The following MYO15A variants were observed in gnomAD, a reference collection of about 807,000 sequenced individuals.
MYO15A encodes the protein myosin XVA, also known as unconventional myosin-XV.
A neutral mutation model predicts 394.6 loss-of-function variants in MYO15A; 308 were observed. The ratio of observed to expected loss-of-function variants is 0.78; its 90% CI spans 0.71 to 0.86. The LOEUF (loss-of-function observed/expected upper bound fraction) is 0.86. Ranked by LOEUF, MYO15A falls within the 40% of genes least tolerant of loss-of-function variation. The probability of loss-of-function intolerance (pLI) is 0.00; values close to 1 mark genes in which losing one functional copy is unlikely to be tolerated. For synonymous variants in MYO15A, 1,957 were observed against 2,003.8 expected (o/e 0.98, Z 0.62); for missense variants, 4,606 against 4,799.1 (o/e 0.96, Z 1.19).
chr17:18,126,452 C>A lies in MYO15A; in HGVS notation c.3862C>A (p.Pro1288Thr), dbSNP rs768074874. 6.2e-6 allele frequency: 10 copies of A among 1,613,718 alleles called. No individual in the cohort carries two copies. Among genetic ancestry groups the A allele is most frequent in the South Asian group, 3.3e-5 (3 of 91,046 alleles). ...QYNGRALGEN[P>T]PHLFAVANLA... ...CAACGGACGGGCCCTGGGAGAGAATCCCCCGTGAGTGTCTCGGGGGCGCTG... is the reference window on the plus strand; with the variant it reads ...CAACGGACGGGCCCTGGGAGAGAATACCCCGTGAGTGTCTCGGGGGCGCTG... The change falls in exon 5 of 66, where the codon CCC (proline) becomes ACC (threonine). Residue 1288 changes from proline (P) to threonine (T), a missense_variant. Physicochemically the swap from Pro to Thr is conservative, Grantham distance 38. This residue lies in a region of MYO15A where 2,776 missense variants were observed against 3,109.3 expected (regional missense o/e 0.89). Coordinates refer to ENST00000647165, the MANE Select transcript of MYO15A (RefSeq NM_016239.4).
At chr17:18,111,482 C>T (rs2045721217) in intron 1 of MYO15A, among the ~76,000 whole-genome samples, 1 of 152,150 alleles carries the variant, frequency 6.6e-6, no homozygotes, top group Admixed American at 6.5e-5. Flanking sequence ...ATAATAGATG[C>T]ACAACTAATG....
chr17:18,161,362 C>T lies in MYO15A; in HGVS notation c.9432C>T (p.Ala3144=). Residue 3144 remains alanine, a synonymous_variant, in exon 57 of 66, where the codon GCC becomes GCT. Transcript: ENST00000647165. ...RGWRLLYIVT[A]YHSCSEVLHP... is the part of the protein sequence containing the mutation. ...GGAGGCTGCTGTATATCGTGACCGC[C>T]TACCACAGCTGCTCTGAGGTCCTCC... 6.2e-7 allele frequency: 1 copy of T among 1,614,136 alleles called. No individual in the cohort carries two copies. The highest frequency in any genetic ancestry group is 8.5e-7 in the Non-Finnish European group (1 of 1,180,032).
chr17:18,120,531 G>A lies in MYO15A; in HGVS notation c.1731G>A (p.Lys577=). ...CCACCTCGCTTGCGCGGTTCCTCAA[G>A]AAGACGCTGTCGGAGAAGAAGCCCA... ...RPATSLARFL[K]KTLSEKKPIA... is the part of the protein sequence containing the mutation. The change falls in exon 2 of 66, where the codon AAG becomes AAA. Residue 577 remains lysine (K), a synonymous_variant. Coordinates refer to ENST00000647165, the MANE Select transcript of MYO15A (RefSeq NM_016239.4). 6 of 1,593,116 alleles carry A rather than the reference G, an allele frequency of 3.8e-6. No homozygotes were observed. The highest frequency in any genetic ancestry group is 4.3e-6 in the Non-Finnish European group (5 of 1,172,514).
rs368883685 is a variant in MYO15A at position 18,148,118 on chromosome 17, C to T, written c.6599C>T (p.Ser2200Leu). Reference sequence around the variant, plus strand: ...ATGGGCCGGGCCCAACAGCAGGGCTCGGGGGCTGCCCGCACCTTACCCCCG... The same window carrying T: ...ATGGGCCGGGCCCAACAGCAGGGCTTGGGGGCTGCCCGCACCTTACCCCCG... ...QAMGRAQQQG[S>L]GAARTLPPTQ... Residue 2200 changes from serine to leucine, a missense_variant, in exon 31 of 66, where the codon TCG (serine) becomes TTG (leucine). Ser to Leu is a moderately radical substitution (Grantham distance 145, BLOSUM62 -2). This residue lies in a region of MYO15A where 2,776 missense variants were observed against 3,109.3 expected (regional missense o/e 0.89). Transcript: ENST00000647165. The surrounding 1 kb of genome is among the most constrained non-coding windows in gnomAD (Gnocchi z 4.8). 2.4e-5 allele frequency: 38 copies of T among 1,613,724 alleles called. No homozygotes were observed. The highest frequency in any genetic ancestry group is 6.7e-5 in the African/African-American group (5 of 74,946).
intron 5 of MYO15A, 91 bp downstream of exon 5, chr17:18,126,547 A>C: frequency 7.9e-7 from 1 of 1,272,812 alleles, no homozygotes; most frequent in East Asian, 2.5e-5. Context: ...CTGAGCCATG[A>C]GTCAGAGGTA....
At chr17:18,110,382 G>C (rs2045706769) in intron 1 of MYO15A, 1 of 152,242 alleles carries the variant, frequency 6.6e-6, no homozygotes, top group Non-Finnish European at 1.5e-5. Flanking sequence ...TGGACACTCT[G>C]AAGCCAGACT....
In MYO15A at chr17:18,121,031, C is replaced by A. The variant is rs2045915073; in HGVS notation, c.2231C>A (p.Ser744Ter). Reference protein sequence around the residue: ...DLLAFPGPRPSFRGSRRRGAA... With the variant: ...DLLAFPGPRP Reference sequence around the variant, plus strand: ...CTAGCCTTCCCAGGGCCCCGACCCTCGTTCAGGGGCTCCCGCCGGAGAGGG... The same window carrying A: ...CTAGCCTTCCCAGGGCCCCGACCCTAGTTCAGGGGCTCCCGCCGGAGAGGG... The change falls in exon 2 of 66, where the codon TCG (serine) becomes TAG (stop). Residue 744 changes from serine (S) to a stop codon, truncating the protein, a stop_gained. Transcript: ENST00000647165. LOFTEE classifies it high-confidence loss of function. The surrounding 1 kb of genome is among the most constrained non-coding windows in gnomAD (Gnocchi z 5.3). 6.6e-7 allele frequency: 1 copy of A among 1,509,848 alleles called. No homozygotes were observed. Among genetic ancestry groups the A allele is most frequent in the Non-Finnish European group, 8.8e-7 (1 of 1,133,826 alleles). The allele number at this position is 1,509,848 out of a possible 1,614,324, so 93.5% of individuals were successfully genotyped here.
rs2046543586 is a variant in MYO15A, at chr17:18,149,592, G to T, written c.7212+12G>T. 2 of 1,613,168 alleles carry T rather than the reference G, an allele frequency of 1.2e-6. No homozygotes were observed. The highest frequency in any genetic ancestry group is 4.5e-5 in the East Asian group (2 of 44,886). ...CCTACGGGGATGCGGTAGGGATGGTGTGGGGTGGGTCATTTGCAGACAGCA... is the reference window on the plus strand; with the variant it reads ...CCTACGGGGATGCGGTAGGGATGGTTTGGGGTGGGTCATTTGCAGACAGCA... On this transcript the variant is annotated intron_variant, in intron 35 of 65. Coordinates refer to ENST00000647165, the MANE Select transcript of MYO15A (RefSeq NM_016239.4).
chr17:18,124,452 C>T, intron 2 of MYO15A, 31 bp from the exon 3 acceptor site: 1 of 1,604,190 alleles, frequency 6.2e-7, no homozygotes. Flanking sequence ...TGCCCTTCAA[C>T]CTGCAGACAC....
rs374320243 is a variant in MYO15A at position 18,133,334 on chromosome 17, G to A, written c.4430G>A (p.Arg1477His). 28 of 1,614,036 alleles carry A rather than the reference G, an allele frequency of 1.7e-5. No individual in the cohort carries two copies. Among genetic ancestry groups the A allele is most frequent in the Non-Finnish European group, 2.0e-5 (24 of 1,180,024 alleles). The change falls in exon 12 of 66, where the codon CGC becomes CAC. Residue 1477 changes from arginine to histidine, a missense_variant. By Grantham distance (29) the Arg-to-His change is conservative. Coordinates refer to ENST00000647165, the MANE Select transcript of MYO15A (RefSeq NM_016239.4). Reference sequence around the variant, plus strand: ...AGTGAGGACCAGGACAGCATCTTCCGCATCCTGGCCTCCATCCTGCACCTG... The same window carrying A: ...AGTGAGGACCAGGACAGCATCTTCCACATCCTGGCCTCCATCCTGCACCTG... Reference protein sequence around the residue: ...FSSEDQDSIFRILASILHLGN... With the variant: ...FSSEDQDSIFHILASILHLGN...
intron 47 of MYO15A, 145 bp downstream of exon 47, chr17:18,155,577 C>G: frequency 2.5e-6 from 2 of 793,122 alleles, no homozygotes; most frequent in Non-Finnish European, 4.2e-6. Context: ...CATTTTAGAG[C>G]TGGGGAAACT....
chr17:18,141,373 C>T (rs922377130), intron 22 of MYO15A, among the ~76,000 whole-genome samples: 13 of 152,304 alleles, frequency 8.5e-5, no homozygotes, highest in Non-Finnish European at 5.9e-5. Context: ...CAACGCTCCG[C>T]GTTATTAGAA....
intron 17 of MYO15A, 117 bp downstream of exon 17, chr17:18,138,363 G>A (rs2046318332): frequency 2.2e-6 from 3 of 1,341,210 alleles, no homozygotes; most frequent in South Asian, 2.5e-5. Flanking sequence ...GCAGTGGGGG[G>A]TTGGGACACC....
chr17:18,120,435 G>T lies in MYO15A; in HGVS notation c.1635G>T (p.Ala545=). 1 of 1,590,346 alleles carries T rather than the reference G, an allele frequency of 6.3e-7. No homozygotes were observed. Residue 545 remains alanine (A), a synonymous_variant, in exon 2 of 66, where the codon GCG becomes GCT. Coordinates refer to ENST00000647165, the MANE Select transcript of MYO15A (RefSeq NM_016239.4). ...LTPRQRNLQR[A]LSAFGAHRGL... ...CGCGCCAGCGCAACCTCCAGCGCGC[G>T]CTGTCGGCCTTCGGCGCCCACCGGG...
chr17:18,149,189 GT>G (rs1204570164), intron 33 of MYO15A, 26 bp from the exon 34 acceptor site: 1 of 1,613,366 alleles, frequency 6.2e-7, no homozygotes, highest in East Asian at 2.2e-5. Context: ...CTGGGGGTCA[GT>G]AGCTCCATGT....
intron 1 of MYO15A, among the ~76,000 whole-genome samples, chr17:18,111,789 C>T (rs2045725065): frequency 6.6e-6 from 1 of 152,240 alleles, no homozygotes; most frequent in African/African-American, 2.4e-5. Flanking sequence ...CCAGGCCAGC[C>T]ACTGTGCCCA....
In MYO15A at chr17:18,126,841, A is replaced by G. The variant is rs752256515; in HGVS notation, c.3917A>G (p.Lys1306Arg). The G allele has an allele frequency of 6.2e-7, 1 of 1,613,982 alleles. No homozygotes were observed. The highest frequency in any genetic ancestry group is 1.7e-5 in the Admixed American group (1 of 60,006). ...GCCTTCGCCAAAATGCTCGATGCCAAACAGAACCAGTGCATAATCATTAGG... is the reference window on the plus strand; with the variant it reads ...GCCTTCGCCAAAATGCTCGATGCCAGACAGAACCAGTGCATAATCATTAGG... ...NLAFAKMLDA[K>R]QNQCIIISGE... Residue 1306 changes from lysine to arginine, a missense_variant, in exon 6 of 66, where the codon AAA (lysine) becomes AGA (arginine). Physicochemically the swap from Lys to Arg is conservative, Grantham distance 26. This residue lies in a region of MYO15A where 2,776 missense variants were observed against 3,109.3 expected (regional missense o/e 0.89). Coordinates refer to ENST00000647165, the MANE Select transcript of MYO15A (RefSeq NM_016239.4).
In MYO15A at chr17:18,139,536, G is replaced by A. The variant is rs1372285560; in HGVS notation, c.5136G>A (p.Val1712=). 1.2e-6 allele frequency: 2 copies of A among 1,613,916 alleles called. No individual in the cohort carries two copies. Among genetic ancestry groups the A allele is most frequent in the Non-Finnish European group, 1.7e-6 (2 of 1,179,940 alleles). ...CAGGCCATTGTTCCCCTTTTCAGGT[G>A]CACAAGTTCCTGGACAAGAACCACG... The part of the protein sequence containing the change: ...KHYAGKVTYQ[V]HKFLDKNHDQ... Residue 1712 remains valine, a splice_region_variant and synonymous_variant, in exon 19 of 66, where the codon GTG becomes GTA. Coordinates refer to ENST00000647165, the MANE Select transcript of MYO15A (RefSeq NM_016239.4).
chr17:18,121,308 CGGCTCGCCGCTGCCG>C lies in MYO15A; in HGVS notation c.2514_2528del (p.Leu840_Pro844del). The C allele has an allele frequency of 7.5e-7, 1 of 1,327,968 alleles. No individual in the cohort carries two copies. The highest frequency in any genetic ancestry group is 9.6e-7 in the Non-Finnish European group (1 of 1,044,358). The allele number at this position is 1,327,968 out of a possible 1,614,324, so 82.3% of individuals were successfully genotyped here. The stretch of plus-strand genomic sequence containing the variant: ...GAGCCGCTGGGCGCCTGGGCCCACC[CGGCTCGCCGCTGCCG>C]GGCTCACCCAGGCCGCCCTCGCCGC... On this transcript the variant is annotated inframe_deletion, in exon 2 of 66. Transcript: ENST00000647165. The surrounding 1 kb of genome is among the most constrained non-coding windows in gnomAD (Gnocchi z 5.3).
Sources: allele counts gnomAD v4.1 joint callset (sites outside exome capture counted in the v4.1 genomes callset), GRCh38; gene constraint gnomAD v4.1.1; regional missense constraint gnomAD v4.1.1; non-coding constraint Gnocchi (gnomAD v3.1); transcripts MANE v1.5; gene names NCBI Gene and HGNC (gene_info 2026-07-23, HGNC 2026-07-21).